The following HSPA4 variants were observed in gnomAD, a reference collection of about 807,000 sequenced individuals.
The protein encoded by HSPA4 is heat shock protein family A (Hsp70) member 4, also known as heat shock 70 kDa protein 4.
A neutral mutation model predicts 106.2 loss-of-function variants in HSPA4; 25 were observed. That is an observed-to-expected ratio of 0.24 (90% CI 0.17 to 0.33). The LOEUF is 0.33. Ranked by LOEUF, HSPA4 falls within the 10% of genes least tolerant of loss-of-function variation. HSPA4 has a pLI of 1.00. For missense variants in HSPA4, 841 were observed against 996.0 expected (o/e 0.84, Z 2.10); for synonymous variants, 332 against 333.6 (o/e 1.00, Z 0.05).
In HSPA4 at chr5:133,091,874, A is replaced by C. The variant is rs1010056534; in HGVS notation, c.1560+500A>C. The stretch of plus-strand genomic sequence containing the variant: ...GACCCTCATCTCTACAAAAAGTTAA[A>C]AACAACAACAACAACAACAAAAAAA... On this transcript the variant is annotated intron_variant, in intron 12 of 18. Transcript: ENST00000304858. Among the ~76,000 whole-genome samples, 5 of 151,896 alleles carry C rather than the reference A, an allele frequency of 3.3e-5. No individual in the cohort carries two copies. In the East Asian group the frequency reaches 5.8e-4, roughly 18 times the overall value.
chr5:133,095,186 CA>C (rs1183820190), intron 13 of HSPA4, among the ~76,000 whole-genome samples: 2 of 152,120 alleles, frequency 1.3e-5, no homozygotes, highest in Non-Finnish European at 2.9e-5. Context: ...CCTGTAATCC[CA>C]GCTACTCAGG....
At chr5:133,093,220 ACT>A (rs1437686743) in intron 13 of HSPA4, among the ~76,000 whole-genome samples, 1 of 151,894 alleles carries the variant, frequency 6.6e-6, no homozygotes, top group African/African-American at 2.4e-5. Context: ...TATACTAGAA[ACT>A]CTTAATTTAT....
In HSPA4 at chr5:133,070,482, G is replaced by A; in HGVS notation, c.415G>A (p.Asp139Asn). The stretch of plus-strand genomic sequence containing the variant: ...AAGTGTTCTTAAGAAGCCTGTAGTT[G>A]ACTGTGTTGTTTCGGTGAGTTTGAT... ...AESVLKKPVVDCVVSVPCFYT... is the reference protein window; with the variant it reads ...AESVLKKPVVNCVVSVPCFYT... Residue 139 changes from aspartate to asparagine, a missense_variant, in exon 4 of 19, where the codon GAC becomes AAC. Transcript: ENST00000304858. 1 of 1,613,896 alleles carries A rather than the reference G, an allele frequency of 6.2e-7. No individual in the cohort carries two copies. The highest frequency in any genetic ancestry group is 8.5e-7 in the Non-Finnish European group (1 of 1,179,890).
chr5:133,082,003 C>T (rs866686805), intron 7 of HSPA4, among the ~76,000 whole-genome samples: 1 of 151,988 alleles, frequency 6.6e-6, no homozygotes, highest in African/African-American at 2.4e-5. Flanking sequence ...TCATAATAGA[C>T]AAAAAGTGGA....
rs1312167031 is a variant in HSPA4, at chr5:133,103,503, ATAG to A, written c.2158-360_2158-358del. 3.9e-5 allele frequency among the ~76,000 whole-genome samples: 6 copies of A among 152,104 alleles called. No homozygotes were observed. In the South Asian group the frequency reaches 1.0e-3, roughly 26 times the overall value. ...CCTTCTTTTAAAAATAGTATTCATT[ATAG>A]TTTTGGTTCCGAACTAGCATGCTGA... On this transcript the variant is annotated intron_variant, in intron 17 of 18. Coordinates refer to ENST00000304858, the MANE Select transcript of HSPA4 (RefSeq NM_002154.4).
At position 133,052,299 on chromosome 5, in the gene HSPA4, G is replaced by A; in HGVS notation, c.49G>A (p.Val17Met). The A allele has an allele frequency of 1.3e-6, 2 of 1,595,238 alleles. No individual in the cohort carries two copies. Among genetic ancestry groups the A allele is most frequent in the Non-Finnish European group, 1.7e-6 (2 of 1,173,458 alleles). The change falls in exon 1 of 19, where the codon GTG becomes ATG. Residue 17 changes from valine (V) to methionine (M), a missense_variant. Val to Met is a conservative substitution (Grantham distance 21, BLOSUM62 1). Coordinates refer to ENST00000304858, the MANE Select transcript of HSPA4 (RefSeq NM_002154.4). ...GGGCTTCCAGAGCTGCTACGTCGCT[G>A]TGGCCCGCGCCGGCGGCATCGAGAC... ...DLGFQSCYVA[V>M]ARAGGIETIA...
intron 1 of HSPA4, among the ~76,000 whole-genome samples, chr5:133,053,328 C>CTTTTTTTTTTTTTTTTTT (rs58722769): frequency 7.7e-6 from 1 of 129,244 alleles, no homozygotes; most frequent in Non-Finnish European, 1.6e-5. Context: ...GGTCTCTCTT[C>CTTTTTTTTTTTTTTTTTT]TTTTTTTTTT....
chr5:133,086,734 C>T (rs760856107), intron 7 of HSPA4, 48 bp from the exon 8 acceptor site: 4 of 1,286,280 alleles, frequency 3.1e-6, no homozygotes, highest in Non-Finnish European at 4.5e-6. Context: ...ATAAAAGTGG[C>T]ATGTGATTTA....
chr5:133,077,395 G>A (rs1057120393), intron 7 of HSPA4, among the ~76,000 whole-genome samples: 3 of 152,142 alleles, frequency 2.0e-5, no homozygotes, highest in South Asian at 2.1e-4. Context: ...CTGCCACCAC[G>A]CCCAGCTAAT....
In HSPA4 at chr5:133,104,753, T is replaced by G; in HGVS notation, c.*317T>G. On this transcript the variant is annotated 3_prime_UTR_variant, in exon 19 of 19. Coordinates refer to ENST00000304858, the MANE Select transcript of HSPA4 (RefSeq NM_002154.4). ...TTGTTTTGGAAAGTTGAGCTATAGC[T>G]ACAGCTCTAGCTATCCAGCAGACTT... The G allele has an allele frequency of 3.8e-6, 1 of 263,588 alleles. No homozygotes were observed. Among genetic ancestry groups the G allele is most frequent in the Non-Finnish European group, 7.3e-6 (1 of 136,108 alleles). The allele number at this position is 263,588 out of a possible 1,614,324, so 16.3% of individuals were successfully genotyped here. A position where few individuals can be genotyped will look rare whatever the true frequency, so the allele number is the denominator to read the frequency against.
chr5:133,083,848 G>T (rs1581475010), intron 7 of HSPA4, among the ~76,000 whole-genome samples: 1 of 152,050 alleles, frequency 6.6e-6, no homozygotes, highest in Non-Finnish European at 1.5e-5. Flanking sequence ...CCTCAATTTT[G>T]TTTTTAGCAT....
intron 13 of HSPA4, among the ~76,000 whole-genome samples, chr5:133,093,462 A>C (rs1036261495): frequency 6.6e-6 from 1 of 152,110 alleles, no homozygotes; most frequent in Non-Finnish European, 1.5e-5. Context: ...AATTTTCAAA[A>C]TCATCAATGA....
Position 133,070,478 on chromosome 5 carries a change from A to T in HSPA4, c.411A>T (p.Val137=), listed in dbSNP as rs1474531981. 6.2e-7 allele frequency: 1 copy of T among 1,613,984 alleles called. No homozygotes were observed. The highest frequency in any genetic ancestry group is 1.7e-5 in the Admixed American group (1 of 60,016). The part of the protein sequence containing the change: ...ETAESVLKKP[V]VDCVVSVPCF... ...CCGAAAGTGTTCTTAAGAAGCCTGT[A>T]GTTGACTGTGTTGTTTCGGTGAGTT... Residue 137 remains valine (V), a synonymous_variant, in exon 4 of 19, where the codon GTA becomes GTT. Coordinates refer to ENST00000304858, the MANE Select transcript of HSPA4 (RefSeq NM_002154.4).
chr5:133,065,705 A>G (rs1232286748), intron 2 of HSPA4, among the ~76,000 whole-genome samples: 3 of 152,060 alleles, frequency 2.0e-5, no homozygotes, highest in Non-Finnish European at 4.4e-5. Flanking sequence ...TTGTTAAACA[A>G]GTTTCTCAAG....
intron 17 of HSPA4, 121 bp from the exon 18 acceptor site, chr5:133,103,744 T>A (rs1230126172): frequency 3.9e-6 from 3 of 765,916 alleles, no homozygotes; most frequent in East Asian, 5.4e-5. Context: ...ATTGTGAGGC[T>A]AAATATGCTT....
rs561185544 is a variant in HSPA4, at chr5:133,076,522, C to T, written c.664-132C>T. On this transcript the variant is annotated intron_variant, in intron 6 of 18. Coordinates refer to ENST00000304858, the MANE Select transcript of HSPA4 (RefSeq NM_002154.4). The stretch of plus-strand genomic sequence containing the variant: ...GGTAATAAGGATTAAATGATGTATA[C>T]ATTGCTTTGTTTTAACCTTAATGTA... 32 of 718,252 alleles carry T rather than the reference C, an allele frequency of 4.5e-5. No homozygotes were observed. In the African/African-American group the frequency reaches 5.5e-4, roughly 12 times the overall value. The allele number at this position is 718,252 out of a possible 1,614,324, so 44.5% of individuals were successfully genotyped here.
chr5:133,073,652 C>T (rs777230051), intron 5 of HSPA4, among the ~76,000 whole-genome samples: 2 of 152,116 alleles, frequency 1.3e-5, no homozygotes, highest in African/African-American at 4.8e-5. Flanking sequence ...AGGAATGGGA[C>T]ATTAAGCAGC....
intron 4 of HSPA4, among the ~76,000 whole-genome samples, chr5:133,071,550 T>G (rs1765381076): frequency 6.6e-6 from 1 of 152,228 alleles, no homozygotes; most frequent in South Asian, 2.1e-4. Flanking sequence ...GTGCTTTAGT[T>G]TGGTGGAATC....
At chr5:133,089,984 C>T (rs1765624928) in intron 11 of HSPA4, among the ~76,000 whole-genome samples, 1 of 152,194 alleles carries the variant, frequency 6.6e-6, no homozygotes, top group Admixed American at 6.5e-5. Flanking sequence ...AGGTTTAGAA[C>T]CAGCCAAATG....
Sources: gnomAD v4.1 joint callset for allele counts (sites outside exome capture counted in the v4.1 genomes callset) on GRCh38, gnomAD v4.1.1 for gene constraint, MANE v1.5 for transcripts, NCBI Gene and HGNC (gene_info 2026-07-23, HGNC 2026-07-21) for gene names.